Variants in GLIS3 observed in about 807,000 individuals in gnomAD.
The protein encoded by GLIS3 is zinc finger protein GLIS3.
GLIS3 carries 53 observed loss-of-function variants against 78.6 expected under a neutral mutation model. The ratio of observed to expected loss-of-function variants is 0.67; its 90% CI spans 0.54 to 0.85. The LOEUF is 0.85. Among genes scored for constraint, GLIS3 ranks in the 40% least tolerant of loss-of-function variants. The pLI, the probability that GLIS3 is intolerant of heterozygous loss-of-function variation, is 0.00. For synonymous variants in GLIS3, 684 were observed against 509.9 expected (o/e 1.34, Z -4.60); for missense variants, 1,703 against 1,231.1 (o/e 1.38, Z -5.74).
At chr9:4,159,085 T>C (rs1285722515) in intron 2 of GLIS3, among the ~76,000 whole-genome samples, 7 of 142,376 alleles carry the variant, frequency 4.9e-5, no homozygotes, top group Middle Eastern at 4.1e-3. Flanking sequence ...CAAGGGAGAA[T>C]GTGGTACCAG....
At chr9:4,142,092 G>A (rs1011064624) in intron 2 of GLIS3, among the ~76,000 whole-genome samples, 1 of 152,140 alleles carries the variant, frequency 6.6e-6, no homozygotes, top group East Asian at 1.9e-4. Context: ...GAACAGAGTA[G>A]GTGCTCACTT....
chr9:4,216,434 T>C (rs957809206), intron 2 of GLIS3, among the ~76,000 whole-genome samples: 1 of 147,528 alleles, frequency 6.8e-6, no homozygotes, highest in Non-Finnish European at 1.5e-5. Context: ...AAGCTGAGAT[T>C]GCGCCACTGC....
At chr9:4,040,457 T>C (rs1824714605) in intron 4 of GLIS3, among the ~76,000 whole-genome samples, 2 of 152,256 alleles carry the variant, frequency 1.3e-5, no homozygotes, top group South Asian at 2.1e-4. Context: ...ACATTTACGA[T>C]AGAAAAGGAA....
At chr9:4,388,106 C>G in the GLIS3 span, among the ~76,000 whole-genome samples, 1 of 152,190 alleles carries the variant, frequency 6.6e-6, no homozygotes, top group South Asian at 2.1e-4. Context: ...CAGCCTTTGT[C>G]TTTTATCTAT....
At chr9:4,032,490 A>C (rs1454868503) in intron 4 of GLIS3, among the ~76,000 whole-genome samples, 1 of 152,128 alleles carries the variant, frequency 6.6e-6, no homozygotes, top group East Asian at 1.9e-4. Flanking sequence ...TTATTTTTAA[A>C]AGAAGTTGTC....
intron 2 of GLIS3, among the ~76,000 whole-genome samples, chr9:4,202,645 A>C (rs1218014458): frequency 6.6e-6 from 1 of 152,158 alleles, no homozygotes; most frequent in African/African-American, 2.4e-5. Context: ...AATAGAATAG[A>C]GAACCCAGAA....
At chr9:3,832,072 A>G (rs1157788139) in intron 9 of GLIS3, among the ~76,000 whole-genome samples, 1 of 151,502 alleles carries the variant, frequency 6.6e-6, no homozygotes, top group African/African-American at 2.4e-5. Flanking sequence ...GTCTTGGCAA[A>G]TTACTTAGCT....
chr9:4,339,973 T>A (rs1817811983), intron 2 of GLIS3, among the ~76,000 whole-genome samples: 1 of 149,804 alleles, frequency 6.7e-6, no homozygotes. Context: ...GCAAACATTC[T>A]CTCATTTGGT....
intron 2 of GLIS3, among the ~76,000 whole-genome samples, chr9:4,258,603 C>G (rs1020235760): frequency 8.5e-5 from 13 of 152,090 alleles, no homozygotes; most frequent in Non-Finnish European, 7.4e-5. Flanking sequence ...TGGAAGATGG[C>G]CTTTGCTTTT....
At chr9:4,198,354 A>C (rs192533418) in intron 2 of GLIS3, among the ~76,000 whole-genome samples, 2 of 152,210 alleles carry the variant, frequency 1.3e-5, no homozygotes, top group African/African-American at 4.8e-5. Flanking sequence ...AATTCCTTAC[A>C]TGAGTTTCTA....
intron 2 of GLIS3, among the ~76,000 whole-genome samples, chr9:4,133,645 T>C (rs1833142315): frequency 6.6e-6 from 1 of 152,118 alleles, no homozygotes; most frequent in Non-Finnish European, 1.5e-5. Context: ...TTACCTCAGT[T>C]TGGAGGATTA....
At chr9:4,171,805 T>C (rs777363172) in intron 2 of GLIS3, among the ~76,000 whole-genome samples, 25 of 152,208 alleles carry the variant, frequency 1.6e-4, no homozygotes, top group Non-Finnish European at 8.8e-5. Context: ...TACAGTACCA[T>C]ACGCAGAACA....
chr9:4,269,251 A>T (rs1826288918), intron 2 of GLIS3, among the ~76,000 whole-genome samples: 1 of 152,196 alleles, frequency 6.6e-6, no homozygotes, highest in Non-Finnish European at 1.5e-5. Context: ...TCAGCCTGTC[A>T]TCAATATAAA....
the GLIS3 span, among the ~76,000 whole-genome samples, chr9:4,442,051 G>A: frequency 1.8e-4 from 27 of 152,224 alleles, no homozygotes; most frequent in African/African-American, 6.3e-4. Context: ...TAAACGTTTG[G>A]TAGAATTCAC....
intron 7 of GLIS3, among the ~76,000 whole-genome samples, chr9:3,887,782 T>G (rs1041935708): frequency 7.9e-5 from 12 of 152,160 alleles, no homozygotes; most frequent in African/African-American, 2.9e-4. Flanking sequence ...TAACTTCATG[T>G]TAGGAAAAGC....
At position 3,851,246 on chromosome 9, in the gene GLIS3, C is replaced by T. The variant is rs185986785; in HGVS notation, c.2473+4763G>A. Among the ~76,000 whole-genome samples the T allele has an allele frequency of 5.6e-4, 85 of 152,290 alleles. 1 individual carries two copies. The East Asian group carries it at 8.9e-3, about 16-fold the overall frequency. On this transcript the variant is annotated intron_variant, in intron 9 of 10. Coordinates refer to ENST00000381971, the MANE Select transcript of GLIS3 (RefSeq NM_001042413.2). ...ACTCTTGGGCAACTAATCCAGGCAA[C>T]ATTCTGAAGCTTGTCTGGGCAAGAG...
intron 4 of GLIS3, among the ~76,000 whole-genome samples, chr9:3,949,825 T>A (rs1017727239): frequency 4.6e-5 from 7 of 152,194 alleles, no homozygotes; most frequent in African/African-American, 1.2e-4. Flanking sequence ...AGAAAAATAG[T>A]TCATTTTGCT....
At chr9:3,890,812 C>G (rs1822383628) in intron 7 of GLIS3, among the ~76,000 whole-genome samples, 1 of 152,084 alleles carries the variant, frequency 6.6e-6, no homozygotes, top group African/African-American at 2.4e-5. Context: ...TGACCAAACC[C>G]TAGTAACCAT....
At chr9:3,897,854 C>T (rs374733159) in intron 7 of GLIS3, among the ~76,000 whole-genome samples, 1 of 152,204 alleles carries the variant, frequency 6.6e-6, no homozygotes, top group South Asian at 2.1e-4. Flanking sequence ...TGCTGCCAAA[C>T]CTGGCTCTGG....
Sources: allele counts gnomAD v4.1 joint callset (sites outside exome capture counted in the v4.1 genomes callset), GRCh38; gene constraint gnomAD v4.1.1; transcripts MANE v1.5; gene names NCBI Gene and HGNC (gene_info 2026-07-23, HGNC 2026-07-21).